Variants in B3GALT9 observed in about 807,000 individuals in gnomAD.
B3GALT9 encodes the protein beta-1,3-galactosyltransferase 9, also known as UDP-GlcNAc:betaGal beta-1,3-N-acetylglucosaminyltransferase 10 (putative).
rs1219640300 is a variant in B3GALT9, at chr9:120,798,585, G to A, written c.17G>A (p.Cys6Tyr). 9 of 399,576 alleles carry A rather than the reference G, an allele frequency of 2.3e-5. No individual in the cohort carries two copies. Among genetic ancestry groups the A allele is most frequent in the Non-Finnish European group, 4.0e-5 (9 of 226,226 alleles). 24.8% of individuals were successfully genotyped at this position (399,576 alleles called of 1,614,324 possible). A position where few individuals can be genotyped will look rare whatever the true frequency, so the allele number is the denominator to read the frequency against. ...CCTTTCCTTTTTTAGGTGACTTTCT[G>A]CAGACTTCGGACTCACCAGTGGTGT... MQVTF[C>Y]RLRTHQWCFI... The change falls in exon 3 of 3, where the codon TGC becomes TAC. Residue 6 changes from cysteine to tyrosine, a missense_variant. Coordinates refer to ENST00000689072, the MANE Select transcript of B3GALT9 (RefSeq NM_001386823.1).
At chr9:120,795,180 A>G (rs1246831182) in intron 1 of B3GALT9, among the ~76,000 whole-genome samples, 2 of 152,256 alleles carry the variant, frequency 1.3e-5, no homozygotes, top group East Asian at 3.8e-4. Context: ...TGATCACAGC[A>G]TTATAAGACA....
rs73541848 is a variant in B3GALT9 at position 120,801,407 on chromosome 9, T to G, written c.*1729T>G. ...CTGTTGGCCATTTGTACTTCTTCTTTTGAGAAATGTCTATTTAGGGCCTTT... is the reference window on the plus strand; with the variant it reads ...CTGTTGGCCATTTGTACTTCTTCTTGTGAGAAATGTCTATTTAGGGCCTTT... On this transcript the variant is annotated 3_prime_UTR_variant, in exon 3 of 3. Transcript: ENST00000689072. Among the ~76,000 whole-genome samples the G allele has an allele frequency of 0.031, 4,751 of 152,280 alleles. 246 individuals carry two copies. Among genetic ancestry groups the G allele is most frequent in the African/African-American group, 0.11 (4,538 of 41,524 alleles).
rs530831865 is a variant in B3GALT9 at position 120,798,867 on chromosome 9, G to A, written c.299G>A (p.Arg100Gln). Residue 100 changes from arginine to glutamine, a missense_variant, in exon 3 of 3, where the codon CGG becomes CAG. Arg to Gln is a conservative substitution (Grantham distance 43, BLOSUM62 1). Transcript: ENST00000689072. The stretch of plus-strand genomic sequence containing the variant: ...AGTAGCCCAGGAAATGGAACAAGAC[G>A]GGACCTCATTAGGAAAACTTGGGGC... Reference protein sequence around the residue: ...IFSSPGNGTRRDLIRKTWGNV... With the variant: ...IFSSPGNGTRQDLIRKTWGNV... 86 of 398,938 alleles carry A rather than the reference G, an allele frequency of 2.2e-4. No individual in the cohort carries two copies. The highest frequency in any genetic ancestry group is 3.6e-4 in the Non-Finnish European group (81 of 226,102). 24.7% of individuals were successfully genotyped at this position (398,938 alleles called of 1,614,324 possible).
intron 2 of B3GALT9, among the ~76,000 whole-genome samples, chr9:120,797,444 T>C (rs1423353372): frequency 1.3e-5 from 2 of 151,252 alleles, no homozygotes; most frequent in Admixed American, 6.6e-5. Context: ...AGGCAGAGGT[T>C]GCAGTGAGCC....
At chr9:120,794,506 TTGTGTGTG>T (rs10589412) in intron 1 of B3GALT9, among the ~76,000 whole-genome samples, 16,840 of 142,064 alleles carry the variant, frequency 0.12, 1,172 homozygotes, top group Middle Eastern at 0.23. Flanking sequence ...GCCCAGCTAG[TTGTGTGTG>T]TGTGTGTGTG....
chr9:120,797,663 G>A (rs2044948447), intron 2 of B3GALT9, among the ~76,000 whole-genome samples: 1 of 152,144 alleles, frequency 6.6e-6, no homozygotes, highest in African/African-American at 2.4e-5. Context: ...ATCTGAAAGG[G>A]ATATTACCAG....
chr9:120,799,912 AAGAG>A lies in B3GALT9; in HGVS notation c.*238_*241del, dbSNP rs2044960262. The A allele has an allele frequency of 5.9e-6, 2 of 338,172 alleles. No homozygotes were observed. The highest frequency in any genetic ancestry group is 1.1e-5 in the Non-Finnish European group (2 of 189,574). 20.9% of individuals were successfully genotyped at this position (338,172 alleles called of 1,614,324 possible). ...TTTCAAAATGAAATATTTCTCTCAA[AAGAG>A]AGAACATTATGTTTCATTGTTTATT... On this transcript the variant is annotated 3_prime_UTR_variant, in exon 3 of 3. Coordinates refer to ENST00000689072, the MANE Select transcript of B3GALT9 (RefSeq NM_001386823.1).
intron 2 of B3GALT9, among the ~76,000 whole-genome samples, 175 bp downstream of exon 2, chr9:120,796,784 C>T (rs1401717431): frequency 6.6e-6 from 1 of 152,024 alleles, no homozygotes; most frequent in Non-Finnish European, 1.5e-5. Flanking sequence ...GGGCCAGGTG[C>T]GGTGGCTCAC....
Position 120,799,835 on chromosome 9 carries a change from A to G in B3GALT9, c.*157A>G, listed in dbSNP as rs1300757039. 3 of 395,308 alleles carry G rather than the reference A, an allele frequency of 7.6e-6. No homozygotes were observed. The highest frequency in any genetic ancestry group is 3.6e-5 in the East Asian group (1 of 27,834). The allele number at this position is 395,308 out of a possible 1,614,324, so 24.5% of individuals were successfully genotyped here. A position where few individuals can be genotyped will look rare whatever the true frequency, so the allele number is the denominator to read the frequency against. The stretch of plus-strand genomic sequence containing the variant: ...TGTTTTCTGTGCTCTGGTGTGCTCA[A>G]TTACTGAGATCTCAAATTTTTAAAA... On this transcript the variant is annotated 3_prime_UTR_variant, in exon 3 of 3. Coordinates refer to ENST00000689072, the MANE Select transcript of B3GALT9 (RefSeq NM_001386823.1).
intron 1 of B3GALT9, among the ~76,000 whole-genome samples, chr9:120,794,546 G>A (rs1236681948): frequency 8.1e-6 from 1 of 124,040 alleles, no homozygotes; most frequent in East Asian, 2.4e-4. Context: ...GTGTGTGTGT[G>A]TATTTTTGTA....
chr9:120,796,022 TC>T (rs1389482261), intron 1 of B3GALT9, among the ~76,000 whole-genome samples: 2 of 152,172 alleles, frequency 1.3e-5, no homozygotes, highest in Non-Finnish European at 2.9e-5. Flanking sequence ...GGATTCTGAA[TC>T]CTTCCCAATG....
chr9:120,796,756 AC>A (rs2044941433), intron 2 of B3GALT9, 147 bp downstream of exon 2: 1 of 152,102 alleles, frequency 6.6e-6, no homozygotes, highest in South Asian at 2.1e-4. Flanking sequence ...GTGTTTTTTG[AC>A]TGTTTAAAGG....
Position 120,800,174 on chromosome 9 carries a change from A to T in B3GALT9, c.*496A>T, listed in dbSNP as rs1193607231. Among the ~76,000 whole-genome samples, 1 of 151,144 alleles carries T rather than the reference A, an allele frequency of 6.6e-6. No individual in the cohort carries two copies. Among genetic ancestry groups the T allele is most frequent in the East Asian group, 1.9e-4 (1 of 5,152 alleles). ...GCTCTGTCGCCCAGGCTGGAGTGCA[A>T]TGGCACCATCTCTGTTCACTGCAAC... is the stretch of plus-strand genomic sequence containing the variant. On this transcript the variant is annotated 3_prime_UTR_variant, in exon 3 of 3. Coordinates refer to ENST00000689072, the MANE Select transcript of B3GALT9 (RefSeq NM_001386823.1).
chr9:120,797,637 A>G (rs779180580), intron 2 of B3GALT9, among the ~76,000 whole-genome samples: 1 of 152,252 alleles, frequency 6.6e-6, no homozygotes, highest in Non-Finnish European at 1.5e-5. Flanking sequence ...GCTCAGCTTA[A>G]TTACGAAAAT....
chr9:120,793,834 A>C lies in B3GALT9; in HGVS notation c.-270A>C. ...GATAGGGTTAGTGAACAAAAAACGCAAAAGCCCCTGACCGCCTGGGCCTTA... is the reference window on the plus strand; with the variant it reads ...GATAGGGTTAGTGAACAAAAAACGCCAAAGCCCCTGACCGCCTGGGCCTTA... On this transcript the variant is annotated 5_prime_UTR_variant, in exon 1 of 3. Transcript: ENST00000689072. 2.5e-6 allele frequency: 1 copy of C among 392,668 alleles called. No individual in the cohort carries two copies. The allele number at this position is 392,668 out of a possible 1,614,324, so 24.3% of individuals were successfully genotyped here.
rs1564469590 is a variant in B3GALT9, at chr9:120,799,324, T to C, written c.756T>C (p.Asp252=). The C allele has an allele frequency of 2.5e-6, 1 of 399,324 alleles. No individual in the cohort carries two copies. Among genetic ancestry groups the C allele is most frequent in the Non-Finnish European group, 4.4e-6 (1 of 226,176 alleles). 24.7% of individuals were successfully genotyped at this position (399,324 alleles called of 1,614,324 possible). The change falls in exon 3 of 3, where the codon GAT becomes GAC. Residue 252 remains aspartate, a synonymous_variant. Coordinates refer to ENST00000689072, the MANE Select transcript of B3GALT9 (RefSeq NM_001386823.1). The part of the protein sequence containing the change: ...CSGEAFIMSQ[D]VARMMYVVFK... ...GTGAGGCCTTTATAATGTCCCAAGA[T>C]GTGGCTCGAATGATGTATGTGGTTT...
In B3GALT9 at chr9:120,793,518, G is replaced by C. The variant is rs997050757; in HGVS notation, c.-586G>C. The C allele has an allele frequency of 2.5e-6, 1 of 400,344 alleles. No individual in the cohort carries two copies. The highest frequency in any genetic ancestry group is 4.4e-6 in the Non-Finnish European group (1 of 227,318). 24.8% of individuals were successfully genotyped at this position (400,344 alleles called of 1,614,324 possible). ...GGTGGTGGGAGGCTGGAGGCCGGGA[G>C]TAGGGGTGGGGAGAAGAGCGTCCCG... On this transcript the variant is annotated 5_prime_UTR_variant, in exon 1 of 3. Coordinates refer to ENST00000689072, the MANE Select transcript of B3GALT9 (RefSeq NM_001386823.1).
At chr9:120,794,154 T>C (rs1207021622) in intron 1 of B3GALT9, among the ~76,000 whole-genome samples, 3 of 152,184 alleles carry the variant, frequency 2.0e-5, no homozygotes, top group African/African-American at 7.2e-5. Flanking sequence ...ACGCACTCTT[T>C]CTCAACATTT....
At position 120,798,882 on chromosome 9, in the gene B3GALT9, A is replaced by T. The variant is rs1428393275; in HGVS notation, c.314A>T (p.Lys105Ile). ...GGAACAAGACGGGACCTCATTAGGA[A>T]AACTTGGGGCAATGTGACCAGTGTC... ...GNGTRRDLIR[K>I]TWGNVTSVQG... The change falls in exon 3 of 3, where the codon AAA becomes ATA. Residue 105 changes from lysine (K) to isoleucine (I), a missense_variant. Lys to Ile is a moderately radical substitution (Grantham distance 102). Transcript: ENST00000689072. 5.0e-6 allele frequency: 2 copies of T among 399,036 alleles called. No individual in the cohort carries two copies. The highest frequency in any genetic ancestry group is 8.8e-6 in the Non-Finnish European group (2 of 226,108). 24.7% of individuals were successfully genotyped at this position (399,036 alleles called of 1,614,324 possible). A position where few individuals can be genotyped will look rare whatever the true frequency, so the allele number is the denominator to read the frequency against.
Sources: allele counts gnomAD v4.1 joint callset (sites outside exome capture counted in the v4.1 genomes callset), GRCh38; gene constraint gnomAD v4.1.1; transcripts MANE v1.5; gene names NCBI Gene and HGNC (gene_info 2026-07-23, HGNC 2026-07-21).